The following AUTS2 variants were observed in gnomAD, a reference collection of about 807,000 sequenced individuals.
AUTS2 encodes autism susceptibility gene 2 protein.
A neutral mutation model predicts 112.4 loss-of-function variants in AUTS2; 17 were observed. That is an observed-to-expected ratio of 0.15 (90% CI 0.10 to 0.23). AUTS2 has a LOEUF of 0.23. Ranked by LOEUF, AUTS2 falls within the 10% of genes least tolerant of loss-of-function variation. The pLI is 1.00. For synonymous variants in AUTS2, 751 were observed against 702.7 expected (o/e 1.07, Z -1.09); for missense variants, 1,510 against 1,701.6 (o/e 0.89, Z 1.98).
chr7:70,384,998 AAC>A lies in AUTS2; in HGVS notation c.661-50751_661-50750del, dbSNP rs1006411610. Reference sequence around the variant, plus strand: ...GTCTGGCACAGCCCTGGTCACAAAAAACACTTTTTCCCTGCGTTTCTAGGATG... The same window carrying A: ...GTCTGGCACAGCCCTGGTCACAAAAAACTTTTTCCCTGCGTTTCTAGGATG... On this transcript the variant is annotated intron_variant, in intron 4 of 18. Coordinates refer to ENST00000342771, the MANE Select transcript of AUTS2 (RefSeq NM_015570.4). 4.9e-4 allele frequency among the ~76,000 whole-genome samples: 75 copies of A among 152,278 alleles called. 1 individual carries two copies. Among genetic ancestry groups the A allele is most frequent in the African/African-American group, 1.8e-3 (74 of 41,556 alleles).
At chr7:69,926,918 T>C (rs1796039321) in intron 2 of AUTS2, among the ~76,000 whole-genome samples, 1 of 146,626 alleles carries the variant, frequency 6.8e-6, no homozygotes, top group Admixed American at 6.9e-5. Context: ...TAATATATAG[T>C]ATATATCTAT....
At position 70,072,581 on chromosome 7, in the gene AUTS2, T is replaced by TA. The variant is rs572592323; in HGVS notation, c.523-45544dup. ...CACTAGTGCAAAACAGGAATGATTC[T>TA]AAAAAAACAGTAGAGAGGATTCTAT... On this transcript the variant is annotated intron_variant, in intron 2 of 18. Transcript: ENST00000342771. Among the ~76,000 whole-genome samples the TA allele has an allele frequency of 3.5e-4, 54 of 152,248 alleles. No individual in the cohort carries two copies. In the East Asian group the frequency reaches 7.4e-3, roughly 21 times the overall value.
chr7:69,636,828 C>T (rs891987884), intron 1 of AUTS2, among the ~76,000 whole-genome samples: 6 of 152,014 alleles, frequency 3.9e-5, no homozygotes, highest in African/African-American at 1.2e-4. Context: ...TACAGTGGCG[C>T]GATCTCGGCT....
intron 6 of AUTS2, among the ~76,000 whole-genome samples, chr7:70,734,447 A>AG (rs1264719479): frequency 6.6e-6 from 1 of 151,826 alleles, no homozygotes; most frequent in African/African-American, 2.4e-5. Context: ...CTCAAAAAAA[A>AG]AAGAAAAAAG....
At chr7:70,547,531 G>T (rs1407176402) in intron 5 of AUTS2, among the ~76,000 whole-genome samples, 2 of 152,178 alleles carry the variant, frequency 1.3e-5, no homozygotes, top group Non-Finnish European at 2.9e-5. Context: ...GGGATTACAG[G>T]CGTGAGCCAC....
intron 2 of AUTS2, among the ~76,000 whole-genome samples, chr7:69,930,927 G>T (rs978215254): frequency 6.6e-6 from 1 of 152,098 alleles, no homozygotes; most frequent in African/African-American, 2.4e-5. Flanking sequence ...CCATCTTTAA[G>T]GTGAGTATTC....
chr7:70,024,709 G>A (rs1445752409), intron 2 of AUTS2, among the ~76,000 whole-genome samples: 4 of 152,088 alleles, frequency 2.6e-5, no homozygotes, highest in Admixed American at 6.6e-5. Flanking sequence ...GGGGGCTGGC[G>A]AGTCTGAAAT....
intron 1 of AUTS2, among the ~76,000 whole-genome samples, chr7:69,615,016 C>T (rs1793291659): frequency 6.6e-6 from 1 of 152,172 alleles, no homozygotes; most frequent in South Asian, 2.1e-4. Flanking sequence ...ACCACAAAGT[C>T]TAGGGCTTTA....
chr7:70,271,847 C>T (rs918353993), intron 4 of AUTS2, among the ~76,000 whole-genome samples: 7 of 152,120 alleles, frequency 4.6e-5, no homozygotes, highest in Non-Finnish European at 8.8e-5. Context: ...AAATATCTGC[C>T]GCATATTGTT....
intron 1 of AUTS2, among the ~76,000 whole-genome samples, chr7:69,717,001 G>A (rs568855137): frequency 6.6e-6 from 1 of 152,278 alleles, no homozygotes; most frequent in South Asian, 2.1e-4. Flanking sequence ...TTTAGCTCTT[G>A]CGAAGCTCAT....
chr7:69,927,017 A>C (rs1796043910), intron 2 of AUTS2, among the ~76,000 whole-genome samples: 1 of 147,626 alleles, frequency 6.8e-6, no homozygotes, highest in Non-Finnish European at 1.5e-5. Flanking sequence ...AAGGAAATAA[A>C]AAATTGTAGC....
chr7:70,771,489 T>G, intron 10 of AUTS2, 60 bp from the exon 11 acceptor site: 1 of 1,422,818 alleles, frequency 7.0e-7, no homozygotes, highest in South Asian at 1.2e-5. Flanking sequence ...GACGGGAATT[T>G]GAATATGTCA....
chr7:70,563,882 C>T (rs1422045495), intron 5 of AUTS2, among the ~76,000 whole-genome samples: 1 of 152,114 alleles, frequency 6.6e-6, no homozygotes, highest in East Asian at 1.9e-4. Context: ...ATTTTTTCCA[C>T]ATTTAACTAC....
intron 2 of AUTS2, among the ~76,000 whole-genome samples, chr7:69,954,434 G>T (rs1797140612): frequency 6.6e-6 from 1 of 152,032 alleles, no homozygotes; most frequent in African/African-American, 2.4e-5. Flanking sequence ...GGTATATACC[G>T]CCATGCCTGG....
intron 16 of AUTS2, 123 bp downstream of exon 16, chr7:70,785,142 A>G: frequency 1.1e-6 from 1 of 907,272 alleles, no homozygotes; most frequent in South Asian, 1.4e-5. Flanking sequence ...CTTACCATTT[A>G]GGCAGGAGAT....
At chr7:70,181,492 T>C (rs4489198) in intron 4 of AUTS2, among the ~76,000 whole-genome samples, 5 of 151,232 alleles carry the variant, frequency 3.3e-5, no homozygotes, top group African/African-American at 4.9e-5. Context: ...CTTTTTTTTT[T>C]CTTTTTTTTT....
At chr7:70,144,032 T>C (rs1386833868) in intron 4 of AUTS2, among the ~76,000 whole-genome samples, 1 of 152,104 alleles carries the variant, frequency 6.6e-6, no homozygotes, top group Non-Finnish European at 1.5e-5. Flanking sequence ...GTGTGAATCA[T>C]GTAGGTTAGC....
Position 70,790,754 on chromosome 7 carries a change from C to T in AUTS2, c.3538C>T (p.Pro1180Ser), listed in dbSNP as rs1246656867. The T allele has an allele frequency of 6.2e-7, 1 of 1,613,464 alleles. No individual in the cohort carries two copies. Among genetic ancestry groups the T allele is most frequent in the South Asian group, 1.1e-5 (1 of 91,038 alleles). ...CCCCGCCTCCCTCGACGGACACCTC[C>T]CCCACCCCAGCCTCATCACCCCGGG... Reference protein sequence around the residue: ...VHPASLDGHLPHPSLITPGLP... With the variant: ...VHPASLDGHLSHPSLITPGLP... The change falls in exon 19 of 19, where the codon CCC becomes TCC. Residue 1180 changes from proline to serine, a missense_variant. Physicochemically the swap from Pro to Ser is moderately conservative, Grantham distance 74 (BLOSUM62 -1). This residue lies in a region of AUTS2 where 788 missense variants were observed against 797.6 expected (regional missense o/e 0.99). Transcript: ENST00000342771. The surrounding 1 kb of genome is among the most constrained non-coding windows in gnomAD (Gnocchi z 7.6).
intron 1 of AUTS2, among the ~76,000 whole-genome samples, chr7:69,610,832 C>T (rs751287416): frequency 3.9e-5 from 6 of 152,088 alleles, no homozygotes; most frequent in Non-Finnish European, 1.5e-5. Flanking sequence ...ATCGAGACAC[C>T]CTAGCTGTAA....
Sources: allele counts gnomAD v4.1 joint callset (sites outside exome capture counted in the v4.1 genomes callset), GRCh38; gene constraint gnomAD v4.1.1; regional missense constraint gnomAD v4.1.1; non-coding constraint Gnocchi (gnomAD v3.1); transcripts MANE v1.5; gene names NCBI Gene and HGNC (gene_info 2026-07-23, HGNC 2026-07-21).